Variants in MAPRE2 observed in about 807,000 individuals in gnomAD.
MAPRE2 encodes microtubule-associated protein RP/EB family member 2.
MAPRE2 carries 13 observed loss-of-function variants against 43.2 expected under a neutral mutation model. That is an observed-to-expected ratio of 0.30 (90% CI 0.20 to 0.48). The LOEUF is 0.48. Among genes scored for constraint, MAPRE2 ranks in the 20% least tolerant of loss-of-function variants. The pLI, the probability that MAPRE2 is intolerant of heterozygous loss-of-function variation, is 0.99. For synonymous variants in MAPRE2, 135 were observed against 148.8 expected, an observed-to-expected ratio of 0.91 and a Z score of 0.68; for missense variants, 161 against 400.2, an observed-to-expected ratio of 0.40 and a Z score of 5.10.
rs1568961983 is a variant in MAPRE2, at chr18:34,985,510, T to TATATATATTGCATATTATATAATATATA, written c.-70+8440_-70+8441insGCATATTATATAATATATAATATATATT. Among the ~76,000 whole-genome samples the TATATATATTGCATATTATATAATATATA allele has an allele frequency of 3.5e-4, 21 of 59,608 alleles. 2 individuals are homozygous for TATATATATTGCATATTATATAATATATA. Among genetic ancestry groups the TATATATATTGCATATTATATAATATATA allele is most frequent in the Admixed American group, 2.5e-3 (8 of 3,244 alleles). The allele number at this position is 59,608 out of a possible 152,430, so 39.1% of individuals were successfully genotyped here. On this transcript the variant is annotated intron_variant, in intron 1 of 7. Transcript: ENST00000413393. ...ATATTGTATATTATATAATATATAATATATATATTATATATTATAAATATA... is the reference window on the plus strand; with the variant it reads ...ATATTGTATATTATATAATATATAATATATATATTGCATATTATATAATATATAATATATATTATATATTATAAATATA...
chr18:35,125,357 A>C (rs1184622936), intron 4 of MAPRE2, among the ~76,000 whole-genome samples: 1 of 152,240 alleles, frequency 6.6e-6, no homozygotes, highest in Admixed American at 6.5e-5. Flanking sequence ...TAAACTGTGA[A>C]GTTGGAAATA....
chr18:35,064,674 G>A (rs376169896), intron 1 of MAPRE2, among the ~76,000 whole-genome samples: 275 of 152,220 alleles, frequency 1.8e-3, no homozygotes, highest in Non-Finnish European at 3.1e-3. Flanking sequence ...TTGCTCAGTA[G>A]GCTAACTCAG....
intron 2 of MAPRE2, 141 bp from the exon 3 acceptor site, chr18:35,097,305 A>G: frequency 1.4e-6 from 1 of 706,094 alleles, no homozygotes; most frequent in Non-Finnish European, 2.4e-6. Flanking sequence ...ACAAGGAGAT[A>G]TAAGCGCATT....
In MAPRE2 at chr18:35,014,246, G is replaced by A. The variant is rs555965750; in HGVS notation, c.-8+8693G>A. On this transcript the variant is annotated intron_variant, in intron 2 of 7. Coordinates refer to the MAPRE2 transcript ENST00000413393. ...GGTAGGGTCGGAGATATAAGGACAC[G>A]GAAAAAGTATTGAAACATCTGGTTT... 5.3e-5 allele frequency among the ~76,000 whole-genome samples: 8 copies of A among 152,072 alleles called. No homozygotes were observed. In the East Asian group the frequency reaches 7.7e-4, roughly 15 times the overall value.
At chr18:35,052,097 G>A (rs1905967043) in intron 1 of MAPRE2, among the ~76,000 whole-genome samples, 3 of 152,068 alleles carry the variant, frequency 2.0e-5, no homozygotes, top group Admixed American at 2.0e-4. Context: ...AAGAATTTAT[G>A]TACAGTAAAC....
At chr18:34,993,142 T>G (rs1405305779) in intron 1 of MAPRE2, among the ~76,000 whole-genome samples, 1 of 152,172 alleles carries the variant, frequency 6.6e-6, no homozygotes, top group South Asian at 2.1e-4. Flanking sequence ...GATCTCACTC[T>G]TGCTCAGATT....
At chr18:35,083,280 A>G (rs1907727520) in intron 2 of MAPRE2, among the ~76,000 whole-genome samples, 1 of 152,224 alleles carries the variant, frequency 6.6e-6, no homozygotes, top group African/African-American at 2.4e-5. Context: ...GTGTGAGAAT[A>G]CGTGAGTGCA....
intron 1 of MAPRE2, among the ~76,000 whole-genome samples, chr18:34,987,168 C>T (rs1290020397): frequency 6.6e-6 from 1 of 152,136 alleles, no homozygotes; most frequent in Non-Finnish European, 1.5e-5. Context: ...TATTCTTTCA[C>T]CAATTTTTTA....
chr18:35,045,413 C>T (rs1170805217), intron 1 of MAPRE2, among the ~76,000 whole-genome samples: 4 of 151,576 alleles, frequency 2.6e-5, no homozygotes, highest in African/African-American at 4.9e-5. Flanking sequence ...TTTGAGCATG[C>T]GACTACAGTA....
intron 3 of MAPRE2, among the ~76,000 whole-genome samples, chr18:35,098,792 C>T (rs2144172327): frequency 6.6e-6 from 1 of 152,256 alleles, no homozygotes; most frequent in Admixed American, 6.5e-5. Context: ...TGTCATACAT[C>T]AAATTAGTGG....
intron 4 of MAPRE2, among the ~76,000 whole-genome samples, chr18:35,108,325 TG>T (rs1426902209): frequency 2.6e-5 from 4 of 152,204 alleles, no homozygotes; most frequent in African/African-American, 9.6e-5. Context: ...GGCTGCATAG[TG>T]TTCCATGGTA....
chr18:35,131,829 A>T (rs1412038704), intron 5 of MAPRE2: 3 of 563,448 alleles, frequency 5.3e-6, no homozygotes, highest in Non-Finnish European at 9.5e-6. Context: ...GAAGGGAATG[A>T]CCAGAGTGCT....
At chr18:34,985,772 T>TATGTAATATATAAAATATATTACAC (rs2097020676) in intron 1 of MAPRE2, among the ~76,000 whole-genome samples, 1 of 136,020 alleles carries the variant, frequency 7.4e-6, no homozygotes, top group Non-Finnish European at 1.6e-5. Flanking sequence ...ATATATTACA[T>TATGTAATATATAAAATATATTACAC]ATTTGTTTAA....
chr18:35,102,211 A>C, intron 4 of MAPRE2, 52 bp downstream of exon 4: 1 of 1,347,246 alleles, frequency 7.4e-7, no homozygotes, highest in Non-Finnish European at 1.0e-6. Context: ...ATAATGGCTC[A>C]GACCCTTCTG....
chr18:35,072,124 T>C (rs920247699), intron 2 of MAPRE2, among the ~76,000 whole-genome samples: 11 of 152,266 alleles, frequency 7.2e-5, no homozygotes, highest in African/African-American at 2.7e-4. Context: ...ATTACTGTGC[T>C]GTTCTTGCTG....
In MAPRE2 at chr18:35,127,741, T is replaced by C. The variant is rs576415172; in HGVS notation, c.750+654T>C. The C allele has an allele frequency of 7.9e-5, 12 of 152,282 alleles. No individual in the cohort carries two copies. The South Asian group carries it at 2.3e-3, about 29-fold the overall frequency. 9.4% of individuals were successfully genotyped at this position (152,282 alleles called of 1,614,324 possible). On this transcript the variant is annotated intron_variant, in intron 5 of 6. Coordinates refer to ENST00000300249, the MANE Select transcript of MAPRE2 (RefSeq NM_014268.4). Reference sequence around the variant, plus strand: ...GCTGCAGGAGCACCGAACCCAATATTTGGGGGATCTGAAAGGCCACAATTG... The same window carrying C: ...GCTGCAGGAGCACCGAACCCAATATCTGGGGGATCTGAAAGGCCACAATTG...
chr18:35,049,254 A>C (rs769299417), intron 1 of MAPRE2, among the ~76,000 whole-genome samples: 8 of 152,124 alleles, frequency 5.3e-5, no homozygotes, highest in Non-Finnish European at 1.0e-4. Context: ...ATTCCCTGAG[A>C]GGTCTTCATT....
chr18:35,126,832 A>G (rs956159431), intron 4 of MAPRE2, 116 bp from the exon 5 acceptor site: 8 of 809,988 alleles, frequency 9.9e-6, no homozygotes, highest in Non-Finnish European at 1.2e-5. Context: ...GGAAGGGATC[A>G]CTGGAGGTAT....
chr18:35,009,135 T>C (rs1462965999), intron 2 of MAPRE2, among the ~76,000 whole-genome samples: 1 of 152,120 alleles, frequency 6.6e-6, no homozygotes, highest in African/African-American at 2.4e-5. Context: ...TAAACGACTT[T>C]AGTAAGAAAA....
Sources: allele counts gnomAD v4.1 joint callset (sites outside exome capture counted in the v4.1 genomes callset), GRCh38; gene constraint gnomAD v4.1.1; transcripts MANE v1.5; gene names NCBI Gene and HGNC (gene_info 2026-07-23, HGNC 2026-07-21).